CDH8: variants seen among roughly 807,000 people sequenced by gnomAD.
The protein encoded by CDH8 is cadherin 8.
CDH8 carries 17 observed loss-of-function variants against 68.1 expected under a neutral mutation model. The observed-to-expected ratio is 0.25, with a 90% CI of 0.17 to 0.37. The LOEUF (loss-of-function observed/expected upper bound fraction) is 0.37, where lower values mean the gene tolerates loss of function less well. CDH8 is among the 10% of genes least tolerant of loss of function. The probability of loss-of-function intolerance (pLI) is 1.00; values close to 1 mark genes in which losing one functional copy is unlikely to be tolerated. For synonymous variants in CDH8, 372 were observed against 365.1 expected (o/e 1.02, Z -0.21); for missense variants, 763 against 999.3 (o/e 0.76, Z 3.19).
intron 1 of CDH8, among the ~76,000 whole-genome samples, chr16:62,026,873 T>C (rs1902209801): frequency 6.6e-6 from 1 of 152,236 alleles, no homozygotes; most frequent in African/African-American, 2.4e-5. Context: ...GAGAATGGCT[T>C]TGTAGAAACT....
At position 61,713,937 on chromosome 16, in the gene CDH8, T is replaced by C. The variant is rs190067284; in HGVS notation, c.1558A>G (p.Met520Val). 21 of 1,606,614 alleles carry C rather than the reference T, an allele frequency of 1.3e-5. No homozygotes were observed. The Admixed American group carries it at 1.3e-4, about 10-fold the overall frequency. ...CCGTTTTTGGGATCATCTTTGTCCA[T>C]GGCGCTAACAGTTTGAATGACCTGA... ...PGQVIQTVSA[M>V]DKDDPKNGHY... The change falls in exon 10 of 12, where the codon ATG becomes GTG. Residue 520 changes from methionine (M) to valine (V), a missense_variant. Transcript: ENST00000577390.
At chr16:61,804,592 A>T (rs1212761844) in intron 7 of CDH8, among the ~76,000 whole-genome samples, 2 of 149,604 alleles carry the variant, frequency 1.3e-5, no homozygotes, top group African/African-American at 4.9e-5. Context: ...AAAGAAAAAA[A>T]GAGAGAAGAA....
intron 8 of CDH8, among the ~76,000 whole-genome samples, chr16:61,750,588 A>G (rs1458383086): frequency 6.6e-6 from 1 of 152,080 alleles, no homozygotes. Flanking sequence ...TGTTTTTCCT[A>G]TAAGCAGGTT....
At chr16:61,687,155 A>G (rs1014470926) in intron 10 of CDH8, among the ~76,000 whole-genome samples, 6 of 151,942 alleles carry the variant, frequency 3.9e-5, no homozygotes, top group African/African-American at 1.4e-4. Context: ...TTATAGTCTC[A>G]TTTGTCTTCC....
At chr16:61,889,681 G>C (rs1284146378) in intron 3 of CDH8, among the ~76,000 whole-genome samples, 2 of 152,142 alleles carry the variant, frequency 1.3e-5, no homozygotes, top group Non-Finnish European at 2.9e-5. Context: ...TCCTGGAATG[G>C]TTATGTAATA....
chr16:61,877,479 C>A (rs1185534320), intron 3 of CDH8, among the ~76,000 whole-genome samples: 1 of 152,050 alleles, frequency 6.6e-6, no homozygotes, highest in African/African-American at 2.4e-5. Context: ...CCACATATTT[C>A]ATTATGTGTG....
intron 7 of CDH8, among the ~76,000 whole-genome samples, chr16:61,801,168 A>G (rs528938420): frequency 2.0e-5 from 3 of 152,210 alleles, no homozygotes; most frequent in Admixed American, 2.0e-4. Context: ...CTCTCTCAAG[A>G]TTCTTGTGCA....
chr16:61,685,349 C>A (rs979359344), intron 10 of CDH8, among the ~76,000 whole-genome samples: 1 of 151,724 alleles, frequency 6.6e-6, no homozygotes, highest in African/African-American at 2.4e-5. Context: ...CATTGAAGAT[C>A]TGATTTTAAA....
At chr16:61,953,803 A>G (rs1232546474) in intron 2 of CDH8, among the ~76,000 whole-genome samples, 1 of 150,436 alleles carries the variant, frequency 6.6e-6, no homozygotes, top group Non-Finnish European at 1.5e-5. Flanking sequence ...CAAGTGGTCG[A>G]GGCTGCAGTG....
At chr16:61,788,267 TCA>T (rs1961286935) in intron 8 of CDH8, among the ~76,000 whole-genome samples, 1 of 152,108 alleles carries the variant, frequency 6.6e-6, no homozygotes, top group Non-Finnish European at 1.5e-5. Flanking sequence ...TAATCATTTT[TCA>T]CAGAGATATT....
chr16:61,850,723 C>A (rs72798750), intron 4 of CDH8, among the ~76,000 whole-genome samples: 3,554 of 152,102 alleles, frequency 0.023, 59 homozygotes, highest in South Asian at 0.051. Context: ...GCTCCCCTTA[C>A]CCCACATTTT....
chr16:61,997,482 C>T (rs1255930873), intron 2 of CDH8, among the ~76,000 whole-genome samples: 1 of 151,980 alleles, frequency 6.6e-6, no homozygotes. Flanking sequence ...CAGTAGAATG[C>T]CAGTTAATAA....
chr16:62,001,497 C>T (rs1050449726), intron 2 of CDH8, among the ~76,000 whole-genome samples: 1 of 152,068 alleles, frequency 6.6e-6, no homozygotes, highest in African/African-American at 2.4e-5. Context: ...ACAAGTAGCC[C>T]AAGGTAAATA....
chr16:61,970,874 C>A (rs2150576593), intron 2 of CDH8, among the ~76,000 whole-genome samples: 1 of 152,336 alleles, frequency 6.6e-6, no homozygotes, highest in African/African-American at 2.4e-5. Flanking sequence ...TGAAGATCCA[C>A]AAAAGAAGTA....
chr16:61,652,258 A>G lies in CDH8; in HGVS notation c.*1350T>C. On this transcript the variant is annotated 3_prime_UTR_variant, in exon 12 of 12. Transcript: ENST00000577390. Reference sequence around the variant, plus strand: ...CTAAGACATTCTGTGCATCACCATGAAGATCAGGGATAGGAGTGCTAAAAA... The same window carrying G: ...CTAAGACATTCTGTGCATCACCATGGAGATCAGGGATAGGAGTGCTAAAAA... 4 of 984,994 alleles carry G rather than the reference A, an allele frequency of 4.1e-6. No individual in the cohort carries two copies. The highest frequency in any genetic ancestry group is 4.8e-6 in the Non-Finnish European group (4 of 829,566). 61.0% of individuals were successfully genotyped at this position (984,994 alleles called of 1,614,324 possible).
At chr16:61,993,188 C>G (rs1965754753) in intron 2 of CDH8, among the ~76,000 whole-genome samples, 1 of 152,202 alleles carries the variant, frequency 6.6e-6, no homozygotes, top group Non-Finnish European at 1.5e-5. Context: ...ATAACTCACT[C>G]AGGTTAATTC....
chr16:61,827,636 T>G (rs1368203072), intron 4 of CDH8, among the ~76,000 whole-genome samples: 1 of 151,824 alleles, frequency 6.6e-6, no homozygotes, highest in Admixed American at 6.6e-5. Flanking sequence ...AGAATATGAG[T>G]GAAGCGTCAC....
At chr16:61,896,489 C>T (rs1005811788) in intron 3 of CDH8, among the ~76,000 whole-genome samples, 2 of 152,026 alleles carry the variant, frequency 1.3e-5, no homozygotes, top group African/African-American at 4.8e-5. Context: ...ATTTCTGCCA[C>T]AGCGAAGGAA....
chr16:61,820,854 C>G (rs1962196901), intron 6 of CDH8, 72 bp downstream of exon 6: 1 of 1,328,596 alleles, frequency 7.5e-7, no homozygotes, highest in Non-Finnish European at 1.1e-6. Context: ...GAACTCCACA[C>G]AAGTCCCTCA....
Sources: allele counts gnomAD v4.1 joint callset (sites outside exome capture counted in the v4.1 genomes callset), GRCh38; gene constraint gnomAD v4.1.1; transcripts MANE v1.5; gene names NCBI Gene and HGNC (gene_info 2026-07-23, HGNC 2026-07-21).